The following PXK variants were observed in gnomAD, a reference collection of about 807,000 sequenced individuals.
PXK encodes the protein PX domain-containing protein kinase-like protein.
In PXK, 35 loss-of-function variants were observed where a neutral mutation model predicts 84.7. That is an observed-to-expected ratio of 0.41 (90% CI 0.32 to 0.55). The LOEUF is 0.55. PXK is among the 20% of genes least tolerant of loss of function. PXK has a pLI of 0.21. For synonymous variants in PXK, 253 were observed against 260.8 expected (o/e 0.97, Z 0.29); for missense variants, 634 against 699.7 (o/e 0.91, Z 1.06).
At chr3:58,373,103 C>G (rs766232493) in intron 3 of PXK, among the ~76,000 whole-genome samples, 1 of 139,746 alleles carries the variant, frequency 7.2e-6, no homozygotes, top group Non-Finnish European at 1.5e-5. Flanking sequence ...TTTTTTGAGA[C>G]GTAGTCGCTC....
At chr3:58,387,464 A>G (rs1044012776) in intron 4 of PXK, among the ~76,000 whole-genome samples, 1 of 152,186 alleles carries the variant, frequency 6.6e-6, no homozygotes, top group African/African-American at 2.4e-5. Flanking sequence ...ACAGTTACAC[A>G]GGGAGATTGA....
chr3:58,347,699 T>C (rs1329630900), intron 1 of PXK, among the ~76,000 whole-genome samples: 1 of 152,232 alleles, frequency 6.6e-6, no homozygotes, highest in Non-Finnish European at 1.5e-5. Context: ...GGTAAAGTCT[T>C]TGTGTAGATA....
At chr3:58,338,480 G>C (rs988184188) in intron 1 of PXK, among the ~76,000 whole-genome samples, 1 of 149,798 alleles carries the variant, frequency 6.7e-6, no homozygotes, top group African/African-American at 2.5e-5. Context: ...AAAATTAGCT[G>C]GGCATGGTGG....
At chr3:58,355,842 T>C (rs2098065713) in intron 1 of PXK, among the ~76,000 whole-genome samples, 1 of 152,174 alleles carries the variant, frequency 6.6e-6, no homozygotes, top group Non-Finnish European at 1.5e-5. Context: ...GAGCCTGGCC[T>C]CAGGACTTCC....
At chr3:58,342,634 C>CAAAAAAAAAAAA (rs71091369) in intron 1 of PXK, among the ~76,000 whole-genome samples, 1 of 113,450 alleles carries the variant, frequency 8.8e-6, no homozygotes, top group Non-Finnish European at 1.8e-5. Context: ...GACTCTGTCT[C>CAAAAAAAAAAAA]AAAAAAAAAA....
At chr3:58,393,091 G>A (rs2098647613) in intron 7 of PXK, among the ~76,000 whole-genome samples, 1 of 151,794 alleles carries the variant, frequency 6.6e-6, no homozygotes, top group African/African-American at 2.4e-5. Flanking sequence ...GCTCATGCCT[G>A]TAATCCCAGC....
At chr3:58,424,270 T>C (rs2062461670) in intron 17 of PXK, among the ~76,000 whole-genome samples, 1 of 152,216 alleles carries the variant, frequency 6.6e-6, no homozygotes, top group Non-Finnish European at 1.5e-5. Context: ...TCAAACATTG[T>C]GTATGTTGGA....
chr3:58,341,711 CT>C (rs61042213), intron 1 of PXK, among the ~76,000 whole-genome samples: 5 of 147,172 alleles, frequency 3.4e-5, no homozygotes, highest in Admixed American at 6.8e-5. Flanking sequence ...CTTTTCTTTT[CT>C]TTTTTTTTTG....
At chr3:58,340,779 C>A (rs1015032164) in intron 1 of PXK, among the ~76,000 whole-genome samples, 1 of 151,634 alleles carries the variant, frequency 6.6e-6, no homozygotes, top group African/African-American at 2.4e-5. Flanking sequence ...TAAAGTAAAC[C>A]CTCTGTTCCT....
At position 58,386,543 on chromosome 3, in the gene PXK, C is replaced by T. The variant is rs558889884; in HGVS notation, c.388+3843C>T. On this transcript the variant is annotated intron_variant, in intron 4 of 17. Transcript: ENST00000356151. The stretch of plus-strand genomic sequence containing the variant: ...AACTCCTGACCTTGTGATACGCCCA[C>T]CTCGGCCTCCCAAAGCGCTGGGATT... 2.6e-5 allele frequency among the ~76,000 whole-genome samples: 4 copies of T among 152,138 alleles called. No homozygotes were observed. In the East Asian group the frequency reaches 5.8e-4, roughly 22 times the overall value.
chr3:58,350,406 G>T (rs975266503), intron 1 of PXK, among the ~76,000 whole-genome samples: 3 of 151,988 alleles, frequency 2.0e-5, no homozygotes, highest in Non-Finnish European at 4.4e-5. Flanking sequence ...TCCAGGCCCG[G>T]GTTCTTGTCC....
chr3:58,382,824 A>G (rs2098516864), intron 4 of PXK, 124 bp downstream of exon 4: 1 of 674,152 alleles, frequency 1.5e-6, no homozygotes, highest in Admixed American at 3.8e-5. Flanking sequence ...GTTATAGCAT[A>G]TTATGAATTT....
At position 58,379,008 on chromosome 3, in the gene PXK, C is replaced by T. The variant is rs7430287; in HGVS notation, c.202-3506C>T. Among the ~76,000 whole-genome samples, 33,595 of 150,068 alleles carry T rather than the reference C, an allele frequency of 0.22. 5,571 individuals carry two copies. Among genetic ancestry groups the T allele is most frequent in the East Asian group, 0.81 (4,103 of 5,084 alleles). ...TGCAATCTTGGCTTACTGCAGCCTC[C>T]GCCTCCTGGGTTCAAGCAATTCTCC... On this transcript the variant is annotated intron_variant, in intron 3 of 17. Transcript: ENST00000356151. This position sits in a 1 kb window ranked among gnomAD's most constrained non-coding sequence, Gnocchi z 5.1.
chr3:58,416,953 G>C lies in PXK; in HGVS notation c.1528+3990G>C, dbSNP rs1291880585. 6.6e-6 allele frequency among the ~76,000 whole-genome samples: 1 copy of C among 152,196 alleles called. No homozygotes were observed. Among genetic ancestry groups the C allele is most frequent in the Non-Finnish European group, 1.5e-5 (1 of 68,038 alleles). ...TGCAACTTTTGGCTGGCCAGCCCAT[G>C]CTTAGGCTGTTCTTCCTTGCAGAAC... On this transcript the variant is annotated intron_variant, in intron 17 of 17. Coordinates refer to ENST00000356151, the MANE Select transcript of PXK (RefSeq NM_017771.5). This position sits in a 1 kb window ranked among gnomAD's most constrained non-coding sequence, Gnocchi z 4.8.
rs1318625285 is a variant in PXK, at chr3:58,407,793, G to C, written c.1231-1131G>C. The stretch of plus-strand genomic sequence containing the variant: ...GCTGGTCTTGAACTTCTGACCTCAA[G>C]TGATCCACCCACCTCAGCCTCCCAA... On this transcript the variant is annotated intron_variant, in intron 13 of 17. Transcript: ENST00000356151. The surrounding 1 kb of genome is among the most constrained non-coding windows in gnomAD (Gnocchi z 4.3). Among the ~76,000 whole-genome samples the C allele has an allele frequency of 6.6e-6, 1 of 152,186 alleles. No individual in the cohort carries two copies. Among genetic ancestry groups the C allele is most frequent in the Non-Finnish European group, 1.5e-5 (1 of 68,028 alleles).
intron 9 of PXK, 29 bp downstream of exon 9, chr3:58,395,788 T>A (rs1439537747): frequency 6.5e-7 from 1 of 1,539,616 alleles, no homozygotes; most frequent in Admixed American, 1.8e-5. Flanking sequence ...TAAGTTGCAT[T>A]CAGATTTCAT....
intron 6 of PXK, 71 bp downstream of exon 6, chr3:58,391,291 G>C (rs2098629072): frequency 4.5e-6 from 6 of 1,348,278 alleles, no homozygotes; most frequent in Non-Finnish European, 6.3e-6. Context: ...TTTGACAAGA[G>C]AATTACAAAA....
chr3:58,370,423 G>A lies in PXK; in HGVS notation c.201+945G>A, dbSNP rs767250751. Among the ~76,000 whole-genome samples the A allele has an allele frequency of 2.0e-4, 30 of 152,162 alleles. No homozygotes were observed. The highest frequency in any genetic ancestry group is 3.7e-4 in the Non-Finnish European group (25 of 68,030). On this transcript the variant is annotated intron_variant, in intron 3 of 17. Transcript: ENST00000356151. The surrounding 1 kb of genome is among the most constrained non-coding windows in gnomAD (Gnocchi z 4.2). ...CTTCACTTGGCAGGCTGGTCTTCAA[G>A]TGCCTTGGATTACTGAAGACTATTG...
At chr3:58,347,028 A>T (rs2097837366) in intron 1 of PXK, among the ~76,000 whole-genome samples, 1 of 151,966 alleles carries the variant, frequency 6.6e-6, no homozygotes, top group Admixed American at 6.6e-5. Flanking sequence ...TTTAGTAGAG[A>T]TGGGGTTTCA....
Sources: gnomAD v4.1 joint callset for allele counts (sites outside exome capture counted in the v4.1 genomes callset) on GRCh38, gnomAD v4.1.1 for gene constraint, Gnocchi (gnomAD v3.1) non-coding constraint, MANE v1.5 for transcripts, NCBI Gene and HGNC (gene_info 2026-07-23, HGNC 2026-07-21) for gene names.